EPRS1: variants seen among roughly 807,000 people sequenced by gnomAD.
The protein encoded by EPRS1 is bifunctional glutamate/proline--tRNA ligase.
A neutral mutation model predicts 188.3 loss-of-function variants in EPRS1; 107 were observed. The ratio of observed to expected loss-of-function variants is 0.57; its 90% CI spans 0.49 to 0.67. The LOEUF (loss-of-function observed/expected upper bound fraction) is 0.67. Among genes scored for constraint, EPRS1 ranks in the 30% least tolerant of loss-of-function variants. The pLI is 0.00. For synonymous variants in EPRS1, 596 were observed against 593.1 expected (o/e 1.00, Z -0.07); for missense variants, 1,577 against 1,802.2 (o/e 0.88, Z 2.26).
chr1:219,991,106 TG>T (rs1318672587), intron 18 of EPRS1, among the ~76,000 whole-genome samples: 4 of 151,608 alleles, frequency 2.6e-5, no homozygotes, highest in African/African-American at 7.3e-5. Flanking sequence ...TTAAATAAAA[TG>T]GAGAAAATGG....
intron 15 of EPRS1, among the ~76,000 whole-genome samples, 156 bp downstream of exon 15, chr1:220,005,950 A>G (rs915617774): frequency 6.6e-6 from 1 of 151,320 alleles, no homozygotes; most frequent in East Asian, 2.0e-4. Flanking sequence ...GATTACAGGC[A>G]TGAGCCACCA....
intron 26 of EPRS1, among the ~76,000 whole-genome samples, chr1:219,979,883 A>C (rs1170315803): frequency 6.6e-6 from 1 of 152,248 alleles, no homozygotes; most frequent in African/African-American, 2.4e-5. Flanking sequence ...TTCATATTTT[A>C]GTAGTAATTC....
In EPRS1 at chr1:220,025,391, A is replaced by G. The variant is rs116032774; in HGVS notation, c.624-133T>C. 1.4e-3 allele frequency: 823 copies of G among 570,750 alleles called. 9 individuals carry two copies. Among genetic ancestry groups the G allele is most frequent in the African/African-American group, 0.014 (714 of 51,394 alleles). 35.4% of individuals were successfully genotyped at this position (570,750 alleles called of 1,614,324 possible). On this transcript the variant is annotated intron_variant, in intron 6 of 31. Coordinates refer to ENST00000366923, the MANE Select transcript of EPRS1 (RefSeq NM_004446.3). The stretch of plus-strand genomic sequence containing the variant: ...TACCCAAGTCATATTTTATTTTCTA[A>G]CAAAAAGTACTGTGATAGAAAATCT...
At position 220,032,422 on chromosome 1, in the gene EPRS1, T is replaced by C. The variant is rs772433511; in HGVS notation, c.493A>G (p.Thr165Ala). The change falls in exon 5 of 32, where the codon ACC (threonine) becomes GCC (alanine). Residue 165 changes from threonine to alanine, a missense_variant. This residue lies in a region of EPRS1 where 1,278 missense variants were observed against 1,457.4 expected (regional missense o/e 0.88). Transcript: ENST00000366923. ...TTGGTTGTTGAAACATCCCACTTGG[T>C]ACCTACTGACTGGAAGGCCTGCTGG... ...EAQQAFQSVG[T>A]KWDVSTTKAR... 6.2e-7 allele frequency: 1 copy of C among 1,613,526 alleles called. No individual in the cohort carries two copies. Among genetic ancestry groups the C allele is most frequent in the South Asian group, 1.1e-5 (1 of 91,030 alleles).
At chr1:220,044,533 T>C (rs1200905861) in intron 1 of EPRS1, among the ~76,000 whole-genome samples, 1 of 151,990 alleles carries the variant, frequency 6.6e-6, no homozygotes, top group Non-Finnish European at 1.5e-5. Context: ...GAGACCAGCC[T>C]GGCCAACATG....
intron 13 of EPRS1, 26 bp from the exon 14 acceptor site, chr1:220,007,364 T>A (rs370589294): frequency 1.3e-6 from 2 of 1,597,612 alleles, no homozygotes; most frequent in African/African-American, 2.7e-5. Flanking sequence ...AAGCAGAGTG[T>A]CTGTTGAAAC....
At chr1:219,968,990 T>A (rs747783405) in intron 31 of EPRS1, 34 bp from the exon 32 acceptor site, 2 of 1,613,320 alleles carry the variant, frequency 1.2e-6, no homozygotes, top group East Asian at 4.5e-5. Flanking sequence ...TTCCACTCAT[T>A]TATGCTGCAA....
intron 2 of EPRS1, among the ~76,000 whole-genome samples, chr1:220,037,189 C>A (rs1662198543): frequency 6.6e-6 from 1 of 151,824 alleles, no homozygotes; most frequent in South Asian, 2.1e-4. Context: ...GGACAGCATA[C>A]TGAGACCTCC....
intron 10 of EPRS1, among the ~76,000 whole-genome samples, 182 bp downstream of exon 10, chr1:220,019,806 G>A (rs1210700988): frequency 6.6e-6 from 1 of 152,102 alleles, no homozygotes; most frequent in African/African-American, 2.4e-5. Context: ...CATTATTTGT[G>A]GCATTAAAAC....
Position 220,007,205 on chromosome 1 carries a change from T to A in EPRS1, c.1739A>T (p.His580Leu). 1 of 1,608,096 alleles carries A rather than the reference T, an allele frequency of 6.2e-7. No homozygotes were observed. The highest frequency in any genetic ancestry group is 1.1e-5 in the South Asian group (1 of 89,338). Residue 580 changes from histidine (H) to leucine (L), a missense_variant, in exon 14 of 32, where the codon CAC becomes CTC. Physicochemically the swap from His to Leu is moderately conservative, Grantham distance 99. Around this residue, in one of 3 missense-constraint regions of EPRS1, gnomAD observed 1,278 missense variants for 1,457.4 expected, o/e 0.88. Coordinates refer to ENST00000366923, the MANE Select transcript of EPRS1 (RefSeq NM_004446.3). ...AAAACAAACAAAAAGTTCTTACTTG[T>A]GTATTTTTGTAATGTTGAGGTTGCC... Reference protein sequence around the residue: ...NWGNLNITKIHKNADGKIISL... With the variant: ...NWGNLNITKILKNADGKIISL...
intron 28 of EPRS1, among the ~76,000 whole-genome samples, chr1:219,976,754 T>A (rs1053153126): frequency 1.3e-5 from 2 of 152,048 alleles, no homozygotes; most frequent in Non-Finnish European, 2.9e-5. Context: ...TGAAAGGGGA[T>A]AATGAAAAGT....
At chr1:220,039,404 T>C (rs1662251419) in intron 2 of EPRS1, among the ~76,000 whole-genome samples, 1 of 152,194 alleles carries the variant, frequency 6.6e-6, no homozygotes, top group South Asian at 2.1e-4. Context: ...GGAATCAGTT[T>C]GCTGAAAAAT....
At chr1:219,973,696 A>G (rs1660716470) in intron 28 of EPRS1, among the ~76,000 whole-genome samples, 1 of 152,102 alleles carries the variant, frequency 6.6e-6, no homozygotes, top group African/African-American at 2.4e-5. Flanking sequence ...GCATCCAGAA[A>G]ACGTATTTGC....
intron 30 of EPRS1, among the ~76,000 whole-genome samples, chr1:219,970,421 A>G (rs35525846): frequency 8.7e-4 from 133 of 152,146 alleles, no homozygotes; most frequent in African/African-American, 2.5e-3. Flanking sequence ...AAAATCGTAA[A>G]TAAAGTGAAA....
In EPRS1 at chr1:220,022,496, C is replaced by G; in HGVS notation, c.966G>C (p.Met322Ile). The G allele has an allele frequency of 6.2e-7, 1 of 1,613,316 alleles. No individual in the cohort carries two copies. The highest frequency in any genetic ancestry group is 1.7e-4 in the Middle Eastern group (1 of 6,056). ...RKNPIEKNLQ[M>I]WEEMKKGSQF... ...GGCTCCCTTTTTTCATTTCTTCCCACATTTGTAGATTCTTCTCAATAGCTA... is the reference window on the plus strand; with the variant it reads ...GGCTCCCTTTTTTCATTTCTTCCCAGATTTGTAGATTCTTCTCAATAGCTA... The change falls in exon 9 of 32, where the codon ATG becomes ATC. Residue 322 changes from methionine to isoleucine, a missense_variant. By Grantham distance (10) the Met-to-Ile change is conservative (BLOSUM62 1). This residue lies in a region of EPRS1 where 1,278 missense variants were observed against 1,457.4 expected (regional missense o/e 0.88). Coordinates refer to ENST00000366923, the MANE Select transcript of EPRS1 (RefSeq NM_004446.3).
chr1:220,011,167 C>A (rs1335695432), intron 12 of EPRS1, 111 bp from the exon 13 acceptor site: 5 of 601,100 alleles, frequency 8.3e-6, no homozygotes, highest in Non-Finnish European at 1.5e-5. Flanking sequence ...ACTGCATTTA[C>A]TAATTTTTTT....
intron 17 of EPRS1, among the ~76,000 whole-genome samples, chr1:220,000,480 A>G (rs1241333252): frequency 1.3e-5 from 2 of 152,238 alleles, no homozygotes; most frequent in African/African-American, 2.4e-5. Flanking sequence ...GTCAGATATT[A>G]AAGAGATCTG....
chr1:219,987,017 CATT>C, intron 20 of EPRS1, 122 bp downstream of exon 20: 1 of 965,570 alleles, frequency 1.0e-6, no homozygotes. Flanking sequence ...TATCTGCTGA[CATT>C]GTAGCTTTAG....
At chr1:220,008,107 C>CAAAAAAAAAA (rs55642831) in intron 13 of EPRS1, among the ~76,000 whole-genome samples, 1 of 133,384 alleles carries the variant, frequency 7.5e-6, no homozygotes, top group African/African-American at 2.9e-5. Flanking sequence ...ACTCCGTCAC[C>CAAAAAAAAAA]AAAAAAAAAA....
Sources: allele counts gnomAD v4.1 joint callset (sites outside exome capture counted in the v4.1 genomes callset), GRCh38; gene constraint gnomAD v4.1.1; regional missense constraint gnomAD v4.1.1; transcripts MANE v1.5; gene names NCBI Gene and HGNC (gene_info 2026-07-23, HGNC 2026-07-21).